The following KCNIP4 variants were observed in gnomAD, a reference collection of about 807,000 sequenced individuals.
The protein encoded by KCNIP4 is Kv channel-interacting protein 4.
A neutral mutation model predicts 34.0 loss-of-function variants in KCNIP4; 12 were observed. That is an observed-to-expected ratio of 0.35 (90% CI 0.23 to 0.57). The LOEUF is 0.57. KCNIP4 is among the 20% of genes least tolerant of loss of function. The pLI is 0.83. For synonymous variants in KCNIP4, 124 were observed against 102.2 expected (o/e 1.21, Z -1.29); for missense variants, 238 against 311.7 (o/e 0.76, Z 1.78).
Position 21,159,227 on chromosome 4 carries a change from A to G in KCNIP4, c.62-276518T>C, listed in dbSNP as rs373675368. ...ATTCAAGACTGATTATAAAGCTACA[A>G]TTATTAATATAGTGTGTGTCATTGG... On this transcript the variant is annotated intron_variant, in intron 1 of 8. Transcript: ENST00000382152. Among the ~76,000 whole-genome samples the G allele has an allele frequency of 2.6e-5, 4 of 152,196 alleles. No homozygotes were observed. In the East Asian group the frequency reaches 7.7e-4, roughly 29 times the overall value.
intron 1 of KCNIP4, among the ~76,000 whole-genome samples, chr4:21,013,480 T>C (rs1314054362): frequency 1.3e-5 from 2 of 151,288 alleles, no homozygotes; most frequent in Admixed American, 1.3e-4. Flanking sequence ...ACCAGCTCTC[T>C]CCAGTTCTTC....
At chr4:21,095,014 A>G (rs1483352461) in intron 1 of KCNIP4, among the ~76,000 whole-genome samples, 1 of 152,238 alleles carries the variant, frequency 6.6e-6, no homozygotes, top group Non-Finnish European at 1.5e-5. Flanking sequence ...TATGAAACAT[A>G]ACAACAAAAA....
chr4:21,412,133 G>T (rs1724561703), intron 1 of KCNIP4, among the ~76,000 whole-genome samples: 1 of 152,130 alleles, frequency 6.6e-6, no homozygotes, highest in Non-Finnish European at 1.5e-5. Context: ...GAATTGTCCA[G>T]AGCCTGGATT....
rs146834227 is a variant in KCNIP4 at position 21,678,772 on chromosome 4, C to G, written c.61+269799G>C. Among the ~76,000 whole-genome samples the G allele has an allele frequency of 2.6e-3, 402 of 152,258 alleles. 1 individual carries two copies. The highest frequency in any genetic ancestry group is 7.7e-3 in the African/African-American group (321 of 41,548). ...TCTCTGATAGTCTATCTTGACTACT[C>G]TATTTAAATTTCAACCACACTGTTA... is the stretch of plus-strand genomic sequence containing the variant. On this transcript the variant is annotated intron_variant, in intron 1 of 8. Transcript: ENST00000382152.
chr4:21,425,064 G>A (rs569947082), intron 1 of KCNIP4, among the ~76,000 whole-genome samples: 18 of 152,268 alleles, frequency 1.2e-4, no homozygotes, highest in Admixed American at 2.6e-4. Flanking sequence ...AGGGACATTG[G>A]AGAGGAGAGG....
intron 1 of KCNIP4, among the ~76,000 whole-genome samples, chr4:21,632,709 T>C (rs1173291992): frequency 6.6e-6 from 1 of 151,956 alleles, no homozygotes; most frequent in Non-Finnish European, 1.5e-5. Flanking sequence ...GCTACAAACT[T>C]ATGAGGGAAG....
At chr4:21,814,814 T>G (rs933989035) in intron 1 of KCNIP4, among the ~76,000 whole-genome samples, 1 of 152,164 alleles carries the variant, frequency 6.6e-6, no homozygotes, top group African/African-American at 2.4e-5. Context: ...TGTGATGTGC[T>G]CCGTGGCTGT....
At chr4:21,444,229 T>G (rs1727757338) in intron 1 of KCNIP4, among the ~76,000 whole-genome samples, 1 of 152,178 alleles carries the variant, frequency 6.6e-6, no homozygotes, top group Non-Finnish European at 1.5e-5. Context: ...CTTCTGAAAC[T>G]ATTCCAATCA....
rs1734508566 is a variant in KCNIP4, at chr4:21,513,550, C to T, written c.61+435021G>A. Reference sequence around the variant, plus strand: ...TCCTAGATCTGCCTCTTACTATCTGCAGGATTGTGTTCAATGTATTAAATA... The same window carrying T: ...TCCTAGATCTGCCTCTTACTATCTGTAGGATTGTGTTCAATGTATTAAATA... On this transcript the variant is annotated intron_variant, in intron 1 of 8. Transcript: ENST00000382152. Among the ~76,000 whole-genome samples the T allele has an allele frequency of 1.3e-5, 2 of 152,276 alleles. 1 individual carries two copies. The highest frequency in any genetic ancestry group is 2.9e-5 in the Non-Finnish European group (2 of 68,032).
At chr4:21,301,932 A>G (rs2109243957) in intron 1 of KCNIP4, among the ~76,000 whole-genome samples, 1 of 152,286 alleles carries the variant, frequency 6.6e-6, no homozygotes, top group East Asian at 1.9e-4. Flanking sequence ...ATCTCTGTCA[A>G]CTTTTATTCA....
intron 1 of KCNIP4, among the ~76,000 whole-genome samples, chr4:21,497,002 G>A (rs1406350436): frequency 6.6e-6 from 1 of 152,210 alleles, no homozygotes; most frequent in Non-Finnish European, 1.5e-5. Flanking sequence ...TAAGGGGCAT[G>A]TGGAGGGGGT....
intron 1 of KCNIP4, among the ~76,000 whole-genome samples, chr4:21,054,012 T>TTGTAGATATTGACAAAA (rs55740542): frequency 0.39 from 57,202 of 148,466 alleles, 11,935 homozygotes; most frequent in African/African-American, 0.54. Flanking sequence ...CAAAATGATT[T>TTGTAGATATTGACAAAA]TGTAGATATT....
intron 1 of KCNIP4, among the ~76,000 whole-genome samples, chr4:21,777,306 C>T (rs952339285): frequency 3.9e-5 from 6 of 152,178 alleles, no homozygotes; most frequent in African/African-American, 1.4e-4. Flanking sequence ...CAGATGTCTT[C>T]ACTCTCTAAC....
chr4:21,923,576 G>A (rs954020787), intron 1 of KCNIP4, among the ~76,000 whole-genome samples: 1 of 152,060 alleles, frequency 6.6e-6, no homozygotes, highest in Non-Finnish European at 1.5e-5. Context: ...GTGAGACACT[G>A]TCCCTAAATA....
intron 1 of KCNIP4, among the ~76,000 whole-genome samples, chr4:21,454,821 T>A (rs1728786147): frequency 6.6e-6 from 1 of 152,116 alleles, no homozygotes; most frequent in Non-Finnish European, 1.5e-5. Flanking sequence ...AAAATTCTTT[T>A]GGTTAAATTC....
intron 2 of KCNIP4, among the ~76,000 whole-genome samples, chr4:20,861,618 G>A (rs1011311857): frequency 2.0e-5 from 3 of 152,096 alleles, no homozygotes; most frequent in African/African-American, 7.2e-5. Flanking sequence ...CTTAATATTT[G>A]TATATCATAT....
intron 1 of KCNIP4, among the ~76,000 whole-genome samples, chr4:21,837,054 A>G (rs1249525309): frequency 6.6e-6 from 1 of 151,128 alleles, no homozygotes; most frequent in East Asian, 2.0e-4. Flanking sequence ...AATAGCTGGG[A>G]CTACAGGGGC....
intron 1 of KCNIP4, among the ~76,000 whole-genome samples, chr4:21,175,956 G>GTTT (rs575902732): frequency 1.3e-5 from 2 of 150,836 alleles, no homozygotes; most frequent in African/African-American, 4.9e-5. Context: ...ACTCCCATTT[G>GTTT]TTTTTTTTTA....
intron 1 of KCNIP4, among the ~76,000 whole-genome samples, chr4:21,529,110 G>A (rs1361263363): frequency 2.6e-5 from 4 of 152,122 alleles, no homozygotes; most frequent in Non-Finnish European, 4.4e-5. Context: ...TTAGGAGAAT[G>A]AAGACTAAGG....
Sources: gnomAD v4.1 joint callset for allele counts (sites outside exome capture counted in the v4.1 genomes callset) on GRCh38, gnomAD v4.1.1 for gene constraint, MANE v1.5 for transcripts, NCBI Gene and HGNC (gene_info 2026-07-23, HGNC 2026-07-21) for gene names.